Variants in LRP1B observed in about 807,000 individuals in gnomAD.
The protein encoded by LRP1B is low-density lipoprotein receptor-related protein 1B.
Under a neutral mutation model 556.6 loss-of-function variants are expected in LRP1B, and 217 were observed. The observed-to-expected ratio is 0.39, with a 90% CI of 0.35 to 0.44. LRP1B has a LOEUF of 0.44. LRP1B is among the 20% of genes least tolerant of loss of function. The pLI is 1.00. For synonymous variants in LRP1B, 2,047 were observed against 1,865.8 expected, an observed-to-expected ratio of 1.10 and a Z score of -2.50; for missense variants, 5,053 against 5,620.8, an observed-to-expected ratio of 0.90 and a Z score of 3.23.
At chr2:140,919,071 A>T (rs978305028) in intron 21 of LRP1B, among the ~76,000 whole-genome samples, 4 of 151,954 alleles carry the variant, frequency 2.6e-5, no homozygotes, top group Admixed American at 6.6e-5. Flanking sequence ...CTTATTTTTC[A>T]GACATATAGC....
At chr2:141,401,904 T>C (rs1690465091) in intron 3 of LRP1B, among the ~76,000 whole-genome samples, 1 of 152,184 alleles carries the variant, frequency 6.6e-6, no homozygotes, top group African/African-American at 2.4e-5. Context: ...CAAATGACCA[T>C]CAATAAGTTT....
chr2:141,052,191 C>T (rs555270905), intron 10 of LRP1B, among the ~76,000 whole-genome samples: 9 of 151,980 alleles, frequency 5.9e-5, no homozygotes, highest in Admixed American at 5.2e-4. Context: ...TCTTCATTGC[C>T]CTCATAGCCT....
At chr2:141,461,546 AC>A (rs1441285196) in intron 3 of LRP1B, among the ~76,000 whole-genome samples, 3 of 152,154 alleles carry the variant, frequency 2.0e-5, no homozygotes, top group African/African-American at 4.8e-5. Flanking sequence ...AATAATGAGA[AC>A]CCCTATTGGT....
chr2:141,248,028 T>G (rs1184153223), intron 4 of LRP1B, among the ~76,000 whole-genome samples: 1 of 152,140 alleles, frequency 6.6e-6, no homozygotes, highest in Non-Finnish European at 1.5e-5. Flanking sequence ...GCCAACATGG[T>G]GAGACCCTGT....
chr2:140,616,204 C>T (rs1683251332), intron 41 of LRP1B, among the ~76,000 whole-genome samples: 1 of 151,846 alleles, frequency 6.6e-6, no homozygotes, highest in Non-Finnish European at 1.5e-5. Context: ...AATATGTACT[C>T]ATATTCAGGT....
At chr2:140,487,394 T>TA (rs1558916588) in intron 58 of LRP1B, among the ~76,000 whole-genome samples, 2 of 151,980 alleles carry the variant, frequency 1.3e-5, no homozygotes, top group Admixed American at 1.3e-4. Flanking sequence ...ATTTACTCAA[T>TA]TTGATGTTTA....
intron 32 of LRP1B, 132 bp downstream of exon 32, chr2:140,813,525 T>G (rs956873721): frequency 2.8e-6 from 2 of 719,834 alleles, no homozygotes; most frequent in African/African-American, 3.6e-5. Flanking sequence ...GAAGAAAACC[T>G]CATAGAAGTG....
chr2:141,705,604 A>T (rs1001578843), intron 2 of LRP1B, among the ~76,000 whole-genome samples: 2 of 152,036 alleles, frequency 1.3e-5, no homozygotes, highest in Non-Finnish European at 2.9e-5. Flanking sequence ...ACTCTTCCAC[A>T]AAGAATAAAC....
At chr2:141,756,300 C>T (rs748760496) in intron 2 of LRP1B, among the ~76,000 whole-genome samples, 11 of 152,070 alleles carry the variant, frequency 7.2e-5, no homozygotes, top group Admixed American at 2.6e-4. Flanking sequence ...AACCAGCCAG[C>T]TTTCCCCAAT....
chr2:140,590,556 TTCTC>T (rs56276353), intron 43 of LRP1B, among the ~76,000 whole-genome samples: 34 of 147,420 alleles, frequency 2.3e-4, no homozygotes, highest in African/African-American at 3.5e-4. Context: ...CTAGATCTCT[TTCTC>T]TCTCTCTCTC....
At chr2:141,983,120 G>T (rs1252726766) in intron 1 of LRP1B, among the ~76,000 whole-genome samples, 1 of 152,154 alleles carries the variant, frequency 6.6e-6, no homozygotes, top group Non-Finnish European at 1.5e-5. Context: ...AACCACAGGA[G>T]ATGTTTTGGG....
chr2:141,652,708 A>C (rs1327191750), intron 2 of LRP1B, among the ~76,000 whole-genome samples: 2 of 152,360 alleles, frequency 1.3e-5, no homozygotes, highest in East Asian at 3.9e-4. Flanking sequence ...GTTTAAATAC[A>C]GAGAAATACT....
At chr2:140,939,657 A>C (rs1695336104) in intron 20 of LRP1B, among the ~76,000 whole-genome samples, 1 of 151,432 alleles carries the variant, frequency 6.6e-6, no homozygotes, top group African/African-American at 2.4e-5. Flanking sequence ...TACAGCAGGC[A>C]ATAAATATTC....
intron 1 of LRP1B, among the ~76,000 whole-genome samples, chr2:142,031,346 T>TA (rs1703699160): frequency 7.9e-6 from 1 of 127,034 alleles, no homozygotes; most frequent in Admixed American, 7.8e-5. Context: ...TTTTTTTTTT[T>TA]TTATTATACT....
chr2:141,826,207 A>G (rs1696915603), intron 1 of LRP1B, among the ~76,000 whole-genome samples: 2 of 151,762 alleles, frequency 1.3e-5, no homozygotes. Flanking sequence ...ATTATCAGGG[A>G]TTTTAAAAAT....
intron 3 of LRP1B, among the ~76,000 whole-genome samples, chr2:141,284,828 T>C (rs1237067552): frequency 6.6e-6 from 1 of 152,200 alleles, no homozygotes; most frequent in Non-Finnish European, 1.5e-5. Context: ...TGTGAATCCT[T>C]GTGCCAGTAC....
chr2:140,256,449 CTTTTTTTTTTTTTTT>C (rs764826231), intron 86 of LRP1B, among the ~76,000 whole-genome samples: 14 of 25,334 alleles, frequency 5.5e-4, no homozygotes, highest in Admixed American at 2.2e-3. Flanking sequence ...TTTTTCCTTC[CTTTTTTTTTTTTTTT>C]TTTTTTTTTT....
chr2:141,899,585 T>C (rs1240572367), intron 1 of LRP1B, among the ~76,000 whole-genome samples: 1 of 152,112 alleles, frequency 6.6e-6, no homozygotes, highest in Non-Finnish European at 1.5e-5. Context: ...CAGGTATAAA[T>C]TGGACTTGTC....
chr2:140,436,238 T>C (rs1686175469), intron 66 of LRP1B, among the ~76,000 whole-genome samples: 1 of 152,130 alleles, frequency 6.6e-6, no homozygotes, highest in South Asian at 2.1e-4. Flanking sequence ...TGTAGAAAAA[T>C]ATACTTATTT....
Sources: allele counts gnomAD v4.1 joint callset (sites outside exome capture counted in the v4.1 genomes callset), GRCh38; gene constraint gnomAD v4.1.1; transcripts MANE v1.5; gene names NCBI Gene and HGNC (gene_info 2026-07-23, HGNC 2026-07-21).